ERCC4: variants seen among roughly 807,000 people sequenced by gnomAD.
The protein encoded by ERCC4 is ERCC excision repair 4, endonuclease catalytic subunit, also known as DNA repair endonuclease XPF.
A neutral mutation model predicts 76.9 loss-of-function variants in ERCC4; 65 were observed. The ratio of observed to expected loss-of-function variants is 0.84; its 90% CI spans 0.69 to 1.04. ERCC4 has a LOEUF of 1.04. ERCC4 is among the 50% of genes least tolerant of loss of function. The probability of loss-of-function intolerance (pLI) is 0.00; values close to 1 mark genes in which losing one functional copy is unlikely to be tolerated. For missense variants in ERCC4, 1,214 were observed against 1,128.2 expected (o/e 1.08, Z -1.09); for synonymous variants, 463 against 410.1 (o/e 1.13, Z -1.56).
intron 4 of ERCC4, 109 bp from the exon 5 acceptor site, chr16:13,930,601 T>G: frequency 1.2e-6 from 1 of 822,960 alleles, no homozygotes; most frequent in Non-Finnish European, 2.0e-6. Context: ...ATTTACCATT[T>G]TAACCATTTT....
At chr16:13,933,560 T>C (rs2141605121) in intron 6 of ERCC4, 1 of 152,346 alleles carries the variant, frequency 6.6e-6, no homozygotes, top group African/African-American at 2.4e-5. Flanking sequence ...AATACAAAAT[T>C]AGCCAGGAGT....
At chr16:13,937,705 G>T in intron 8 of ERCC4, 61 bp from the exon 9 acceptor site, 1 of 1,009,766 alleles carries the variant, frequency 9.9e-7, no homozygotes, top group South Asian at 1.3e-5. Flanking sequence ...ATGTTCTGCT[G>T]TTCCTTTCAG....
rs369428355 is a variant in ERCC4, at chr16:13,937,865, C to T, written c.1904+7C>T. 4.7e-5 allele frequency: 74 copies of T among 1,563,482 alleles called. No individual in the cohort carries two copies. Among genetic ancestry groups the T allele is most frequent in the Non-Finnish European group, 6.2e-5 (70 of 1,134,234 alleles). The stretch of plus-strand genomic sequence containing the variant: ...CTTTTGAAAAACTCATAAGGTAATA[C>T]ATAGAAAATCAGTATGAAAGCCCCA... On this transcript the variant is annotated splice_region_variant and intron_variant, in intron 9 of 10. Transcript: ENST00000311895.
chr16:13,949,358 C>T lies in ERCC4; in HGVS notation c.*1011C>T. The T allele has an allele frequency of 4.3e-6, 1 of 233,622 alleles. No homozygotes were observed. The highest frequency in any genetic ancestry group is 8.5e-6 in the Non-Finnish European group (1 of 118,286). 14.5% of individuals were successfully genotyped at this position (233,622 alleles called of 1,614,324 possible). A position where few individuals can be genotyped will look rare whatever the true frequency, so the allele number is the denominator to read the frequency against. On this transcript the variant is annotated 3_prime_UTR_variant, in exon 11 of 11. Transcript: ENST00000311895. ...CCTAATTGGCAGTGAGCCGAGATCG[C>T]ACCACTGCACCCCTGCCTGGGCGAC...
rs3136092 is a variant in ERCC4, at chr16:13,926,643, A to G, written c.471A>G (p.Lys157=). 36 of 1,614,152 alleles carry G rather than the reference A, an allele frequency of 2.2e-5. No homozygotes were observed. The African/African-American group carries it at 4.0e-4, about 18-fold the overall frequency. ...TGCGCCTCTTTCGCCAGAAAAACAA[A>G]CGTGGTTTTATTAAAGCTTTCACAG... ...FILRLFRQKN[K]RGFIKAFTDN... is the part of the protein sequence containing the mutation. Residue 157 remains lysine, a synonymous_variant, in exon 3 of 11, where the codon AAA becomes AAG. Transcript: ENST00000311895.
At chr16:13,945,346 G>A (rs1369907545) in intron 10 of ERCC4, among the ~76,000 whole-genome samples, 3 of 152,044 alleles carry the variant, frequency 2.0e-5, no homozygotes, top group Admixed American at 6.5e-5. Context: ...TGTCTGGTAC[G>A]CATTGCTGTG....
chr16:13,938,899 C>T (rs3136171), intron 9 of ERCC4, among the ~76,000 whole-genome samples: 3,361 of 152,270 alleles, frequency 0.022, 68 homozygotes, highest in Non-Finnish European at 0.032. Flanking sequence ...GAATCAGTGG[C>T]ATGGAGTCCC....
In ERCC4 at chr16:13,930,816, A is replaced by G. The variant is rs1432291202; in HGVS notation, c.899A>G (p.Gln300Arg). The G allele has an allele frequency of 3.1e-6, 5 of 1,612,932 alleles. No homozygotes were observed. Among genetic ancestry groups the G allele is most frequent in the African/African-American group, 2.7e-5 (2 of 74,912 alleles). Residue 300 changes from glutamine (Q) to arginine (R), a missense_variant, in exon 5 of 11, where the codon CAG (glutamine) becomes CGG (arginine). Coordinates refer to ENST00000311895, the MANE Select transcript of ERCC4 (RefSeq NM_005236.3). Reference protein sequence around the residue: ...ILRTLLQYLSQYDCVTFLNLL... With the variant: ...ILRTLLQYLSRYDCVTFLNLL... ...CGAACTTTGCTGCAGTATCTCTCTC[A>G]GTATGATTGTGTCACATTTCTTAAT...
Position 13,934,206 on chromosome 16 carries a change from C to CA in ERCC4, c.1117_1118insA (p.Leu373HisfsTer14). On this transcript the variant is annotated frameshift_variant, in exon 7 of 11. Transcript: ENST00000311895. LOFTEE classifies it high-confidence loss of function. ...TTTCTCTACAGAAACAAAAAAGGAA[C>CA]TGGTCCTAGAAAGCAACCCAAAGTG... is the stretch of plus-strand genomic sequence containing the variant. The CA allele has an allele frequency of 1.2e-6, 2 of 1,609,140 alleles. No individual in the cohort carries two copies.
chr16:13,936,516 A>T (rs1291191618), intron 8 of ERCC4, among the ~76,000 whole-genome samples: 1 of 152,234 alleles, frequency 6.6e-6, no homozygotes, highest in East Asian at 1.9e-4. Context: ...GCTGTTGATC[A>T]ACTTTGTAGA....
At chr16:13,945,761 T>C (rs1416788924) in intron 10 of ERCC4, among the ~76,000 whole-genome samples, 1 of 152,184 alleles carries the variant, frequency 6.6e-6, no homozygotes, top group East Asian at 1.9e-4. Context: ...CTTTGAAATA[T>C]CAACCAGGTT....
chr16:13,935,690 C>T lies in ERCC4; in HGVS notation c.1758C>T (p.Thr586=). ...RYVVLYDAEL[T]FVRQLEIYRA... is the part of the protein sequence containing the mutation. Reference sequence around the variant, plus strand: ...TGGTTCTTTATGACGCAGAGCTAACCTTTGTTCGGCAGCTTGAAATTTACA... The same window carrying T: ...TGGTTCTTTATGACGCAGAGCTAACTTTTGTTCGGCAGCTTGAAATTTACA... The change falls in exon 8 of 11, where the codon ACC becomes ACT. Residue 586 remains threonine, a synonymous_variant. Coordinates refer to ENST00000311895, the MANE Select transcript of ERCC4 (RefSeq NM_005236.3). 3 of 1,614,134 alleles carry T rather than the reference C, an allele frequency of 1.9e-6. No individual in the cohort carries two copies. The highest frequency in any genetic ancestry group is 2.5e-6 in the Non-Finnish European group (3 of 1,180,024).
chr16:13,937,907 C>A, intron 9 of ERCC4, 49 bp downstream of exon 9: 1 of 1,142,650 alleles, frequency 8.8e-7, no homozygotes, highest in Non-Finnish European at 1.3e-6. Context: ...TTGGAAACCT[C>A]TGGATGGGGG....
Position 13,928,891 on chromosome 16 carries a change from A to C in ERCC4, c.792+656A>C, listed in dbSNP as rs1000712667. On this transcript the variant is annotated intron_variant, in intron 4 of 10. Transcript: ENST00000311895. The stretch of plus-strand genomic sequence containing the variant: ...CCTTTTTGTCATATTCTGGTAGAAA[A>C]AGTTTCTGTCTTTTAAACTCTGAGT... Among the ~76,000 whole-genome samples, 4 of 152,274 alleles carry C rather than the reference A, an allele frequency of 2.6e-5. No individual in the cohort carries two copies. The South Asian group carries it at 8.3e-4, about 32-fold the overall frequency.
rs542690728 is a variant in ERCC4, at chr16:13,949,866, T to G, written c.*1519T>G. The G allele has an allele frequency of 4.5e-4, 105 of 232,724 alleles. No homozygotes were observed. Among genetic ancestry groups the G allele is most frequent in the African/African-American group, 2.3e-3 (104 of 45,458 alleles). The allele number at this position is 232,724 out of a possible 1,614,324, so 14.4% of individuals were successfully genotyped here. A position where few individuals can be genotyped will look rare whatever the true frequency, so the allele number is the denominator to read the frequency against. On this transcript the variant is annotated 3_prime_UTR_variant, in exon 11 of 11. Transcript: ENST00000311895. Reference sequence around the variant, plus strand: ...TAGCCATATCACATATTTTAATGTTTCATCAACATCAGCTGTTTTTTTGTT... The same window carrying G: ...TAGCCATATCACATATTTTAATGTTGCATCAACATCAGCTGTTTTTTTGTT...
rs1368306770 is a variant in ERCC4, at chr16:13,941,852, C to A, written c.1905-2871C>A. Among the ~76,000 whole-genome samples the A allele has an allele frequency of 2.6e-5, 4 of 152,084 alleles. No homozygotes were observed. The East Asian group carries it at 7.7e-4, about 29-fold the overall frequency. On this transcript the variant is annotated intron_variant, in intron 9 of 10. Coordinates refer to ENST00000311895, the MANE Select transcript of ERCC4 (RefSeq NM_005236.3). Reference sequence around the variant, plus strand: ...GCTAGCATGAGGGCTTAAGTAAATGCCCATTGGAAGAGACTTCTAGTTCAG... The same window carrying A: ...GCTAGCATGAGGGCTTAAGTAAATGACCATTGGAAGAGACTTCTAGTTCAG...
At chr16:13,932,748 CA>C in intron 6 of ERCC4, 12 of 195,200 alleles carry the variant, frequency 6.1e-5, no homozygotes, top group South Asian at 1.8e-4. Flanking sequence ...TCCATCTCTA[CA>C]AAAAAAATTT....
At chr16:13,945,499 T>G (rs2032496454) in intron 10 of ERCC4, among the ~76,000 whole-genome samples, 1 of 152,188 alleles carries the variant, frequency 6.6e-6, no homozygotes, top group Non-Finnish European at 1.5e-5. Context: ...AGAAAAGCAA[T>G]ACGATTGAGT....
chr16:13,936,459 G>A (rs1428453139), intron 8 of ERCC4, among the ~76,000 whole-genome samples: 2 of 152,244 alleles, frequency 1.3e-5, no homozygotes, highest in African/African-American at 2.4e-5. Context: ...GAAGAGATTA[G>A]ATGAGGCTGG....
Sources: allele counts gnomAD v4.1 joint callset (sites outside exome capture counted in the v4.1 genomes callset), GRCh38; gene constraint gnomAD v4.1.1; transcripts MANE v1.5; gene names NCBI Gene and HGNC (gene_info 2026-07-23, HGNC 2026-07-21).